Variants in CRTC1 observed in about 807,000 individuals in gnomAD.
CRTC1 encodes CREB-regulated transcription coactivator 1.
In CRTC1, 18 loss-of-function variants were observed where a neutral mutation model predicts 66.1. The ratio of observed to expected loss-of-function variants is 0.27; its 90% CI spans 0.19 to 0.40. The LOEUF (loss-of-function observed/expected upper bound fraction) is 0.40, where lower values mean the gene tolerates loss of function less well. Among genes scored for constraint, CRTC1 ranks in the 10% least tolerant of loss-of-function variants. The pLI is 1.00. For missense variants in CRTC1, 669 were observed against 887.9 expected (o/e 0.75, Z 3.13); for synonymous variants, 416 against 398.8 (o/e 1.04, Z -0.51).
At chr19:18,750,273 T>A (rs1252146387) in intron 5 of CRTC1, among the ~76,000 whole-genome samples, 2 of 152,208 alleles carry the variant, frequency 1.3e-5, no homozygotes, top group African/African-American at 4.8e-5. Context: ...CTCCTTCCAC[T>A]GCTTCCCACT....
At chr19:18,775,893 G>A in intron 13 of CRTC1, 72 bp downstream of exon 13, 1 of 1,448,428 alleles carries the variant, frequency 6.9e-7, no homozygotes, top group Non-Finnish European at 9.2e-7. Flanking sequence ...GCCAGAGACT[G>A]CTGTCCCGCA....
intron 1 of CRTC1, among the ~76,000 whole-genome samples, chr19:18,687,470 A>G (rs998408483): frequency 6.6e-6 from 1 of 152,144 alleles, no homozygotes; most frequent in African/African-American, 2.4e-5. Flanking sequence ...GGGCAAGCTT[A>G]TTCCCAGTTT....
intron 1 of CRTC1, among the ~76,000 whole-genome samples, chr19:18,740,660 T>G (rs1278390952): frequency 6.6e-6 from 1 of 152,128 alleles, no homozygotes; most frequent in Non-Finnish European, 1.5e-5. Context: ...TTAACCCTTT[T>G]GCTGTACAAC....
intron 3 of CRTC1, among the ~76,000 whole-genome samples, chr19:18,746,289 G>C (rs1295933971): frequency 6.6e-6 from 1 of 152,176 alleles, no homozygotes. Context: ...GCCGTGAGCA[G>C]GGAGCCCACA....
At chr19:18,762,506 C>G (rs1474486228) in intron 8 of CRTC1, among the ~76,000 whole-genome samples, 1 of 152,258 alleles carries the variant, frequency 6.6e-6, no homozygotes, top group Non-Finnish European at 1.5e-5. Context: ...GGAAGGAAGA[C>G]AGAGGCCTTC....
intron 1 of CRTC1, among the ~76,000 whole-genome samples, chr19:18,707,684 G>A (rs1292094228): frequency 6.6e-6 from 1 of 152,164 alleles, no homozygotes; most frequent in Non-Finnish European, 1.5e-5. Flanking sequence ...GTTTTGGGTA[G>A]TATTGCCACC....
intron 1 of CRTC1, among the ~76,000 whole-genome samples, chr19:18,742,483 G>A (rs1335305764): frequency 6.6e-6 from 1 of 152,194 alleles, no homozygotes; most frequent in Non-Finnish European, 1.5e-5. Context: ...AGCTTCCTCC[G>A]ATTCAGGCCA....
At position 18,760,372 on chromosome 19, in the gene CRTC1, C is replaced by A; in HGVS notation, c.886+144C>A. Reference sequence around the variant, plus strand: ...GGGGGCGGCCGACAGGCTGACCCAGCGGGCACAGGCATCCCAGGTAGGGGT... The same window carrying A: ...GGGGGCGGCCGACAGGCTGACCCAGAGGGCACAGGCATCCCAGGTAGGGGT... On this transcript the variant is annotated intron_variant, in intron 8 of 13. Transcript: ENST00000321949. This position sits in a 1 kb window ranked among gnomAD's most constrained non-coding sequence, Gnocchi z 6.2. 1.5e-6 allele frequency: 1 copy of A among 689,572 alleles called. No homozygotes were observed. The highest frequency in any genetic ancestry group is 2.4e-6 in the Non-Finnish European group (1 of 411,000). 42.7% of individuals were successfully genotyped at this position (689,572 alleles called of 1,614,324 possible).
intron 12 of CRTC1, 142 bp downstream of exon 12, chr19:18,775,128 C>G: frequency 1.3e-6 from 1 of 790,014 alleles, no homozygotes; most frequent in South Asian, 1.7e-5. Flanking sequence ...CCCCTCGGCC[C>G]CCGCCCCGTC....
rs543709442 is a variant in CRTC1 at position 18,760,760 on chromosome 19, G to A, written c.886+532G>A. On this transcript the variant is annotated intron_variant, in intron 8 of 13. Transcript: ENST00000321949. This position sits in a 1 kb window ranked among gnomAD's most constrained non-coding sequence, Gnocchi z 6.2. ...CCCAATAGCTCCTGGCGCTGCTGCC[G>A]CCCTGCTCCCCCGGGACCCCCCTCC... is the stretch of plus-strand genomic sequence containing the variant. Among the ~76,000 whole-genome samples the A allele has an allele frequency of 5.8e-4, 88 of 152,026 alleles. No homozygotes were observed. The highest frequency in any genetic ancestry group is 7.4e-4 in the Non-Finnish European group (50 of 67,954).
chr19:18,743,623 TC>T (rs1187315286), intron 2 of CRTC1, among the ~76,000 whole-genome samples: 2 of 139,246 alleles, frequency 1.4e-5, no homozygotes, highest in Non-Finnish European at 3.1e-5. Flanking sequence ...CATGGACAGG[TC>T]CCCCTGGGGG....
At chr19:18,717,778 C>T (rs1030076631) in intron 1 of CRTC1, among the ~76,000 whole-genome samples, 1 of 152,050 alleles carries the variant, frequency 6.6e-6, no homozygotes, top group Non-Finnish European at 1.5e-5. Context: ...TCTCGCAGGA[C>T]GGTTTCTCAT....
intron 1 of CRTC1, among the ~76,000 whole-genome samples, chr19:18,686,231 A>G (rs1303233004): frequency 6.6e-6 from 1 of 152,128 alleles, no homozygotes; most frequent in African/African-American, 2.4e-5. Flanking sequence ...ACTCAGCGTC[A>G]TGTTTTCAAG....
intron 1 of CRTC1, among the ~76,000 whole-genome samples, chr19:18,718,507 A>AT (rs201526045): frequency 0.11 from 15,385 of 140,296 alleles, 996 homozygotes; most frequent in East Asian, 0.22. Flanking sequence ...TGCCTGGCTA[A>AT]TTTTTTTTTT....
chr19:18,727,316 T>A (rs2053776758), intron 1 of CRTC1, among the ~76,000 whole-genome samples: 1 of 150,808 alleles, frequency 6.6e-6, no homozygotes, highest in South Asian at 2.1e-4. Flanking sequence ...GCACGGTGGT[T>A]CACGCGTGTA....
intron 1 of CRTC1, among the ~76,000 whole-genome samples, chr19:18,718,013 A>G (rs113118317): frequency 1.3e-3 from 200 of 152,328 alleles, no homozygotes; most frequent in Non-Finnish European, 2.2e-3. Flanking sequence ...TGAACACCAC[A>G]TAACATAAGA....
intron 1 of CRTC1, among the ~76,000 whole-genome samples, chr19:18,699,235 C>T (rs926211902): frequency 3.3e-5 from 5 of 152,340 alleles, no homozygotes; most frequent in South Asian, 2.1e-4. Flanking sequence ...AATGTCCCCA[C>T]TTCAGTCCTG....
In CRTC1 at chr19:18,768,079, G is replaced by T. The variant is rs541823662; in HGVS notation, c.1012-406G>T. On this transcript the variant is annotated intron_variant, in intron 9 of 13. Transcript: ENST00000321949. The surrounding 1 kb of genome is among the most constrained non-coding windows in gnomAD (Gnocchi z 5.6). ...CCCCAGAGTGGGCAAGGCTTTGGGC[G>T]GGGGGGTTTGGGAAGGCAAGGCCAG... Among the ~76,000 whole-genome samples the T allele has an allele frequency of 6.6e-6, 1 of 152,140 alleles. No homozygotes were observed. Among genetic ancestry groups the T allele is most frequent in the South Asian group, 2.1e-4 (1 of 4,832 alleles).
At chr19:18,707,143 T>G (rs1344604422) in intron 1 of CRTC1, among the ~76,000 whole-genome samples, 1 of 152,198 alleles carries the variant, frequency 6.6e-6, no homozygotes, top group Non-Finnish European at 1.5e-5. Context: ...TTCCTCTGTT[T>G]TCTTCCAAGA....
Sources: allele counts gnomAD v4.1 joint callset (sites outside exome capture counted in the v4.1 genomes callset), GRCh38; gene constraint gnomAD v4.1.1; non-coding constraint Gnocchi (gnomAD v3.1); transcripts MANE v1.5; gene names NCBI Gene and HGNC (gene_info 2026-07-23, HGNC 2026-07-21).